The following SNX8 variants were observed in gnomAD, a reference collection of about 807,000 sequenced individuals.
SNX8 encodes the protein sorting nexin-8.
A neutral mutation model predicts 51.6 loss-of-function variants in SNX8; 25 were observed. The observed-to-expected ratio is 0.48, with a 90% CI of 0.35 to 0.68. The LOEUF (loss-of-function observed/expected upper bound fraction) is 0.68, where lower values mean the gene tolerates loss of function less well. Ranked by LOEUF, SNX8 falls within the 30% of genes least tolerant of loss-of-function variation. The pLI is 0.00. For missense variants in SNX8, 695 were observed against 624.0 expected (o/e 1.11, Z -1.21); for synonymous variants, 324 against 277.0 (o/e 1.17, Z -1.68).
chr7:2,283,853 T>C (rs6943446), intron 1 of SNX8, among the ~76,000 whole-genome samples: 64,372 of 152,098 alleles, frequency 0.42, 15,779 homozygotes, highest in Middle Eastern at 0.67. Context: ...TAGAGTGCAG[T>C]GGCACAATCT....
intron 1 of SNX8, among the ~76,000 whole-genome samples, chr7:2,336,009 A>G (rs1248370797): frequency 6.6e-6 from 1 of 151,664 alleles, no homozygotes; most frequent in African/African-American, 2.4e-5. Flanking sequence ...AGGCTGAGAC[A>G]GGAGAATTGT....
At chr7:2,302,240 T>C (rs180959597) in intron 1 of SNX8, among the ~76,000 whole-genome samples, 1,825 of 152,356 alleles carry the variant, frequency 0.012, 53 homozygotes, top group Admixed American at 0.061. Context: ...GTGCCTGCGA[T>C]TGCAGGCTCG....
At chr7:2,323,143 A>AAG (rs1778561719) in intron 1 of SNX8, among the ~76,000 whole-genome samples, 1 of 152,114 alleles carries the variant, frequency 6.6e-6, no homozygotes, top group Non-Finnish European at 1.5e-5. Flanking sequence ...CAGCCCGGCC[A>AAG]ATACGGTGAA....
intron 1 of SNX8, among the ~76,000 whole-genome samples, chr7:2,341,200 G>T (rs897264553): frequency 6.6e-6 from 1 of 150,992 alleles, no homozygotes; most frequent in Non-Finnish European, 1.5e-5. Flanking sequence ...GAAAGAAAAA[G>T]AAAAGAAAAG....
chr7:2,338,143 T>C (rs1002358215), intron 1 of SNX8, among the ~76,000 whole-genome samples: 7 of 151,770 alleles, frequency 4.6e-5, no homozygotes, highest in Admixed American at 2.0e-4. Flanking sequence ...CTGGGCAATA[T>C]GGCGAAACCC....
intron 1 of SNX8, among the ~76,000 whole-genome samples, chr7:2,293,414 G>C (rs1796197679): frequency 6.6e-6 from 1 of 151,926 alleles, no homozygotes; most frequent in Admixed American, 6.6e-5. Context: ...CTAGCACTCT[G>C]GGAGGCCAAG....
chr7:2,318,609 T>C (rs10236582), upstream of SNX8, among the ~76,000 whole-genome samples: 59,145 of 151,330 alleles, frequency 0.39, 13,520 homozygotes, highest in African/African-American at 0.64. Context: ...GGCAGGAGAT[T>C]GCTTGAACCT....
intron 1 of SNX8, among the ~76,000 whole-genome samples, chr7:2,347,773 G>C (rs1779060178): frequency 6.6e-6 from 1 of 151,906 alleles, no homozygotes; most frequent in Non-Finnish European, 1.5e-5. Context: ...AGCCTCCCAA[G>C]TAGCTGGAAT....
At chr7:2,342,635 C>T (rs1263088704) in intron 1 of SNX8, among the ~76,000 whole-genome samples, 1 of 148,402 alleles carries the variant, frequency 6.7e-6, no homozygotes, top group East Asian at 2.0e-4. Flanking sequence ...GCCTAGGCGA[C>T]AGAGCGAGAC....
chr7:2,296,226 T>C (rs1373646778), intron 1 of SNX8, among the ~76,000 whole-genome samples: 2 of 151,622 alleles, frequency 1.3e-5, no homozygotes, highest in Non-Finnish European at 2.9e-5. Flanking sequence ...GTTTTTCCAT[T>C]TGTTTGTGTC....
intron 6 of SNX8, 42 bp from the exon 7 acceptor site, chr7:2,263,404 G>T: frequency 6.5e-7 from 1 of 1,541,852 alleles, no homozygotes; most frequent in Non-Finnish European, 8.8e-7. Context: ...CTCAAGGCCT[G>T]GAGCTCACCT....
At chr7:2,328,494 T>C (rs1410495967) in intron 1 of SNX8, among the ~76,000 whole-genome samples, 4 of 151,538 alleles carry the variant, frequency 2.6e-5, no homozygotes, top group Non-Finnish European at 5.9e-5. Flanking sequence ...GCCCAACCAT[T>C]GAATGCTTTC....
chr7:2,252,302 T>C lies in SNX8; in HGVS notation c.*2754A>G, dbSNP rs1795054067. On this transcript the variant is annotated 3_prime_UTR_variant, in exon 11 of 11. Coordinates refer to ENST00000222990, the MANE Select transcript of SNX8 (RefSeq NM_013321.4). Reference sequence around the variant, plus strand: ...GGGCAGCAGGAGGGCTGGAGAGGCATGGGGGGAACCCCGCTCTCCCTCCGG... The same window carrying C: ...GGGCAGCAGGAGGGCTGGAGAGGCACGGGGGGAACCCCGCTCTCCCTCCGG... The C allele has an allele frequency of 6.6e-6, 1 of 152,274 alleles. No individual in the cohort carries two copies. The highest frequency in any genetic ancestry group is 6.6e-5 in the Admixed American group (1 of 15,262). The allele number at this position is 152,274 out of a possible 1,614,324, so 9.4% of individuals were successfully genotyped here. A position where few individuals can be genotyped will look rare whatever the true frequency, so the allele number is the denominator to read the frequency against.
At chr7:2,310,032 C>G in intron 1 of SNX8, 2 of 373,000 alleles carry the variant, frequency 5.4e-6, no homozygotes, top group South Asian at 2.0e-5. Context: ...TGGGATGAGC[C>G]GCAAGTGAAG....
chr7:2,263,626 G>A (rs746277985), intron 6 of SNX8, among the ~76,000 whole-genome samples: 1 of 152,210 alleles, frequency 6.6e-6, no homozygotes, highest in African/African-American at 2.4e-5. Context: ...GGGCACTGCT[G>A]GGGCAAGCAG....
chr7:2,303,556 G>C (rs377073891), intron 1 of SNX8, among the ~76,000 whole-genome samples: 1 of 152,202 alleles, frequency 6.6e-6, no homozygotes, highest in Non-Finnish European at 1.5e-5. Context: ...GATGGTTGCC[G>C]TGTCTGTGTA....
intron 1 of SNX8, among the ~76,000 whole-genome samples, chr7:2,304,285 C>T (rs1305110854): frequency 1.3e-5 from 2 of 152,106 alleles, no homozygotes; most frequent in Admixed American, 6.5e-5. Flanking sequence ...CAGCTCACGC[C>T]TGGAATCCCA....
At chr7:2,324,322 AC>A (rs1778590381) in intron 1 of SNX8, among the ~76,000 whole-genome samples, 1 of 141,810 alleles carries the variant, frequency 7.1e-6, no homozygotes, top group South Asian at 2.2e-4. Flanking sequence ...ACAGAGTTTC[AC>A]TGTGTCGTCC....
intron 1 of SNX8, among the ~76,000 whole-genome samples, chr7:2,304,244 C>T (rs1268359414): frequency 1.3e-5 from 2 of 151,396 alleles, no homozygotes; most frequent in Non-Finnish European, 2.9e-5. Context: ...GGACCGACTA[C>T]ACATAAATCC....
Sources: gnomAD v4.1 joint callset for allele counts (sites outside exome capture counted in the v4.1 genomes callset) on GRCh38, gnomAD v4.1.1 for gene constraint, MANE v1.5 for transcripts, NCBI Gene and HGNC (gene_info 2026-07-23, HGNC 2026-07-21) for gene names.